RPRD2: variants seen among roughly 807,000 people sequenced by gnomAD.
RPRD2 encodes the protein regulation of nuclear pre-mRNA domain containing 2.
RPRD2 carries 12 observed loss-of-function variants against 104.4 expected under a neutral mutation model. The observed-to-expected ratio is 0.11, with a 90% CI of 0.07 to 0.19. The LOEUF is 0.19. RPRD2 is among the 10% of genes least tolerant of loss of function. The probability of loss-of-function intolerance (pLI) is 1.00; values close to 1 mark genes in which losing one functional copy is unlikely to be tolerated. For missense variants in RPRD2, 1,543 were observed against 1,790.1 expected, an observed-to-expected ratio of 0.86 and a Z score of 2.49; for synonymous variants, 714 against 684.9, an observed-to-expected ratio of 1.04 and a Z score of -0.66.
intron 1 of RPRD2, among the ~76,000 whole-genome samples, chr1:150,398,170 A>G (rs1023474112): frequency 9.9e-6 from 1 of 101,246 alleles, no homozygotes; most frequent in Non-Finnish European, 1.9e-5. Context: ...ATGCCTGGCT[A>G]ATTTTTGTGT....
intron 1 of RPRD2, among the ~76,000 whole-genome samples, chr1:150,405,408 T>A (rs1385823777): frequency 2.9e-5 from 2 of 69,532 alleles, no homozygotes; most frequent in Non-Finnish European, 8.3e-5. Context: ...AAATTTTTTA[T>A]TTTTTTTTGG....
chr1:150,469,087 A>G (rs1185111496), intron 10 of RPRD2, among the ~76,000 whole-genome samples: 1 of 152,194 alleles, frequency 6.6e-6, no homozygotes, highest in Non-Finnish European at 1.5e-5. Flanking sequence ...TGTTACAAGG[A>G]TGGAGGGGAC....
intron 1 of RPRD2, among the ~76,000 whole-genome samples, chr1:150,388,522 C>T (rs191222557): frequency 0.026 from 3,791 of 144,308 alleles, 127 homozygotes; most frequent in African/African-American, 0.074. Flanking sequence ...CACACACACA[C>T]ATATATACAC....
chr1:150,379,999 A>G (rs1263622475), intron 1 of RPRD2, among the ~76,000 whole-genome samples: 3 of 152,218 alleles, frequency 2.0e-5, no homozygotes, highest in Admixed American at 6.5e-5. Context: ...TCTCATCTTA[A>G]CATCGCATAT....
intron 7 of RPRD2, among the ~76,000 whole-genome samples, chr1:150,450,605 C>CAAAAAA (rs1186175962): frequency 2.0e-5 from 1 of 50,566 alleles, no homozygotes; most frequent in Non-Finnish European, 3.4e-5. Flanking sequence ...GACTCCGTCT[C>CAAAAAA]AAAAAAAAAA....
At chr1:150,392,212 T>C (rs1417911844) in intron 1 of RPRD2, among the ~76,000 whole-genome samples, 1 of 149,332 alleles carries the variant, frequency 6.7e-6, no homozygotes, top group African/African-American at 2.5e-5. Context: ...GAGAGAAGAA[T>C]AGAGTGATTT....
At chr1:150,450,492 A>AC (rs1667082245) in intron 7 of RPRD2, among the ~76,000 whole-genome samples, 1 of 148,450 alleles carries the variant, frequency 6.7e-6, no homozygotes, top group Non-Finnish European at 1.5e-5. Flanking sequence ...CTGTAGTCCC[A>AC]CTACTCCGCA....
At chr1:150,460,394 GGTTGTTGTTGTT>G (rs72430251) in intron 9 of RPRD2, 77 bp downstream of exon 9, 23 of 1,081,880 alleles carry the variant, frequency 2.1e-5, no homozygotes, top group Non-Finnish European at 2.8e-5. Context: ...TTTTTGGGGG[GGTTGTTGTTGTT>G]GTTGTTGTTG....
At chr1:150,424,507 T>G (rs587696698) in intron 2 of RPRD2, among the ~76,000 whole-genome samples, 1 of 152,024 alleles carries the variant, frequency 6.6e-6, no homozygotes, top group East Asian at 1.9e-4. Flanking sequence ...AGGCTGGTCT[T>G]GAACTCCTGA....
intron 9 of RPRD2, among the ~76,000 whole-genome samples, 161 bp downstream of exon 9, chr1:150,460,478 A>G (rs1349773862): frequency 1.3e-5 from 2 of 152,038 alleles, no homozygotes; most frequent in African/African-American, 4.8e-5. Context: ...ATCTTGGCTC[A>G]CTGCAACCTC....
At chr1:150,379,001 G>T (rs1314887872) in intron 1 of RPRD2, among the ~76,000 whole-genome samples, 3 of 131,908 alleles carry the variant, frequency 2.3e-5, no homozygotes, top group Non-Finnish European at 4.7e-5. Context: ...AAAAAAAAAG[G>T]CCCAGCTGAA....
At chr1:150,443,404 C>A in intron 5 of RPRD2, 121 bp downstream of exon 5, 1 of 725,152 alleles carries the variant, frequency 1.4e-6, no homozygotes, top group Non-Finnish European at 2.2e-6. Context: ...TTTAAACATG[C>A]ATGAACTGTT....
intron 1 of RPRD2, among the ~76,000 whole-genome samples, chr1:150,395,127 A>G (rs959481444): frequency 1.3e-5 from 2 of 152,050 alleles, no homozygotes; most frequent in African/African-American, 4.8e-5. Context: ...ACTGAACCCA[A>G]TTTGTGGTCT....
rs1433035672 is a variant in RPRD2, at chr1:150,450,545, G to T, written c.870+4144G>T. Among the ~76,000 whole-genome samples the T allele has an allele frequency of 4.3e-5, 6 of 141,122 alleles. No individual in the cohort carries two copies. The Admixed American group carries it at 4.3e-4, about 10-fold the overall frequency. 92.6% of individuals were successfully genotyped at this position (141,122 alleles called of 152,430 possible). ...GACGTGAACCCAGGAGGCGGAGCTT[G>T]CAGTGAGCCGAGATCGCGCCACTGC... On this transcript the variant is annotated intron_variant, in intron 7 of 10. Transcript: ENST00000369068.
Position 150,473,411 on chromosome 1 carries a change from T to C in RPRD2, c.*77T>C. 7.1e-7 allele frequency: 1 copy of C among 1,412,794 alleles called. No homozygotes were observed. Among genetic ancestry groups the C allele is most frequent in the Non-Finnish European group, 9.5e-7 (1 of 1,055,022 alleles). 87.5% of individuals were successfully genotyped at this position (1,412,794 alleles called of 1,614,324 possible). A position where few individuals can be genotyped will look rare whatever the true frequency, so the allele number is the denominator to read the frequency against. ...GAGTTTGGTTTATTGTTGTTGTTTTTATTTGTTTTCTCTTTCTCGATTTTT... is the reference window on the plus strand; with the variant it reads ...GAGTTTGGTTTATTGTTGTTGTTTTCATTTGTTTTCTCTTTCTCGATTTTT... On this transcript the variant is annotated 3_prime_UTR_variant, in exon 11 of 11. Transcript: ENST00000369068.
chr1:150,441,929 A>G lies in RPRD2; in HGVS notation c.485A>G (p.Gln162Arg). The change falls in exon 4 of 11, where the codon CAA becomes CGA. Residue 162 changes from glutamine to arginine, a missense_variant. Transcript: ENST00000369068. ...QKQLKENLNK[Q>R]PNKQWKKSQT... Reference sequence around the variant, plus strand: ...CAGCTGAAAGAAAATCTGAACAAACAACCGAATAAGCAGTGGAAGAAATCA... The same window carrying G: ...CAGCTGAAAGAAAATCTGAACAAACGACCGAATAAGCAGTGGAAGAAATCA... The G allele has an allele frequency of 2.5e-6, 4 of 1,612,966 alleles. No individual in the cohort carries two copies. Among genetic ancestry groups the G allele is most frequent in the Non-Finnish European group, 3.4e-6 (4 of 1,179,470 alleles).
At chr1:150,376,034 T>C (rs587748736) in intron 1 of RPRD2, among the ~76,000 whole-genome samples, 35 of 152,324 alleles carry the variant, frequency 2.3e-4, no homozygotes, top group African/African-American at 8.4e-4. Context: ...TTATTCCTTT[T>C]GAGAAAAGGC....
chr1:150,445,465 G>A (rs587687812), intron 6 of RPRD2, among the ~76,000 whole-genome samples: 1 of 152,266 alleles, frequency 6.6e-6, no homozygotes, highest in Admixed American at 6.5e-5. Flanking sequence ...GCATACAGAG[G>A]TCACTTTATT....
chr1:150,370,067 C>G (rs1017745558), intron 1 of RPRD2, among the ~76,000 whole-genome samples: 2 of 152,144 alleles, frequency 1.3e-5, no homozygotes, highest in Admixed American at 6.5e-5. Context: ...CAGGCGTGAG[C>G]CACCACGCCC....
Sources: allele counts gnomAD v4.1 joint callset (sites outside exome capture counted in the v4.1 genomes callset), GRCh38; gene constraint gnomAD v4.1.1; transcripts MANE v1.5; gene names NCBI Gene and HGNC (gene_info 2026-07-23, HGNC 2026-07-21).